DCC: variants seen among roughly 807,000 people sequenced by gnomAD.
DCC encodes netrin receptor DCC.
Under a neutral mutation model 172.5 loss-of-function variants are expected in DCC, and 58 were observed. The observed-to-expected ratio is 0.34, with a 90% CI of 0.27 to 0.42. DCC has a LOEUF of 0.42. DCC is among the 10% of genes least tolerant of loss of function. DCC has a pLI of 1.00. For synonymous variants in DCC, 709 were observed against 644.5 expected, an observed-to-expected ratio of 1.10 and a Z score of -1.52; for missense variants, 1,740 against 1,791.0, an observed-to-expected ratio of 0.97 and a Z score of 0.51.
intron 1 of DCC, 82 bp from the exon 2 acceptor site, chr18:52,751,972 C>T: frequency 8.2e-7 from 1 of 1,216,854 alleles, no homozygotes; most frequent in Non-Finnish European, 1.2e-6. Context: ...TTGTGAAAAG[C>T]TTTGTAAAGA....
intron 2 of DCC, among the ~76,000 whole-genome samples, chr18:52,854,480 A>AT (rs1321721494): frequency 6.6e-6 from 1 of 152,214 alleles, no homozygotes; most frequent in African/African-American, 2.4e-5. Flanking sequence ...TAAACCTACC[A>AT]TGAAGATTGT....
At chr18:53,160,709 T>G (rs1346018479) in intron 8 of DCC, among the ~76,000 whole-genome samples, 3 of 152,196 alleles carry the variant, frequency 2.0e-5, no homozygotes, top group Non-Finnish European at 2.9e-5. Context: ...CATACGCTCC[T>G]AATGATATTT....
chr18:52,835,730 A>G (rs2038692649), intron 2 of DCC, among the ~76,000 whole-genome samples: 1 of 152,244 alleles, frequency 6.6e-6, no homozygotes, highest in African/African-American at 2.4e-5. Flanking sequence ...ATTCCTTTAA[A>G]TGAATTCAAA....
chr18:53,103,470 G>A (rs772776449), intron 7 of DCC, among the ~76,000 whole-genome samples: 7 of 151,948 alleles, frequency 4.6e-5, no homozygotes, highest in Non-Finnish European at 1.0e-4. Flanking sequence ...ACTTGAGCCT[G>A]GGCTCAAGTG....
chr18:52,515,277 G>A (rs980921148), intron 1 of DCC, among the ~76,000 whole-genome samples: 2 of 151,978 alleles, frequency 1.3e-5, no homozygotes, highest in Admixed American at 6.6e-5. Flanking sequence ...GAACCTCCAC[G>A]TATATCTTAT....
chr18:52,929,098 C>A (rs1194247843), intron 5 of DCC, among the ~76,000 whole-genome samples: 1 of 152,116 alleles, frequency 6.6e-6, no homozygotes, highest in African/African-American at 2.4e-5. Context: ...AGAAGTCATT[C>A]CCTCGAGGAG....
At position 53,233,215 on chromosome 18, in the gene DCC, G is replaced by C. The variant is rs146654934; in HGVS notation, c.1911+17618G>C. 5.6e-3 allele frequency among the ~76,000 whole-genome samples: 848 copies of C among 152,144 alleles called. 2 individuals carry two copies. Among genetic ancestry groups the C allele is most frequent in the Non-Finnish European group, 8.6e-3 (583 of 68,010 alleles). On this transcript the variant is annotated intron_variant, in intron 12 of 28. Coordinates refer to ENST00000442544, the MANE Select transcript of DCC (RefSeq NM_005215.4). ...CCACTAAACCTTTCTACATGTTGACGTTCTCCCGTTCTTTACATGTGTCAT... is the reference window on the plus strand; with the variant it reads ...CCACTAAACCTTTCTACATGTTGACCTTCTCCCGTTCTTTACATGTGTCAT...
intron 6 of DCC, 127 bp from the exon 7 acceptor site, chr18:53,065,919 C>G: frequency 4.9e-5 from 51 of 1,050,896 alleles, no homozygotes; most frequent in Non-Finnish European, 7.0e-5. Context: ...GAGGCTGAGA[C>G]CCCTCATGGC....
intron 1 of DCC, among the ~76,000 whole-genome samples, chr18:52,487,118 C>G (rs946281966): frequency 1.3e-5 from 2 of 152,130 alleles, no homozygotes; most frequent in African/African-American, 4.8e-5. Context: ...GCTTCCAATG[C>G]TGTGGACTGG....
intron 1 of DCC, among the ~76,000 whole-genome samples, chr18:52,463,556 A>G (rs1988695198): frequency 6.6e-6 from 1 of 152,172 alleles, no homozygotes; most frequent in Non-Finnish European, 1.5e-5. Flanking sequence ...AGGTAAAACA[A>G]TTGGCTGAAG....
intron 25 of DCC, among the ~76,000 whole-genome samples, chr18:53,474,501 C>A (rs2145196215): frequency 6.6e-6 from 1 of 152,208 alleles, no homozygotes; most frequent in African/African-American, 2.4e-5. Flanking sequence ...GAATCAGGGG[C>A]AGGTCTTTCC....
At chr18:52,374,299 A>T (rs542921725) in intron 1 of DCC, among the ~76,000 whole-genome samples, 1 of 152,066 alleles carries the variant, frequency 6.6e-6, no homozygotes, top group African/African-American at 2.4e-5. Flanking sequence ...TTTACTGAGG[A>T]TATCTATTAT....
chr18:52,543,024 T>C (rs1169178880), intron 1 of DCC, among the ~76,000 whole-genome samples: 1 of 152,260 alleles, frequency 6.6e-6, no homozygotes, highest in East Asian at 1.9e-4. Context: ...GAGAGCTTTT[T>C]ACCTCAGTAT....
intron 2 of DCC, among the ~76,000 whole-genome samples, chr18:52,783,632 T>A (rs2037597047): frequency 6.6e-6 from 1 of 151,976 alleles, no homozygotes; most frequent in Admixed American, 6.6e-5. Flanking sequence ...AGTCCTCATG[T>A]CTAATCCCTC....
chr18:52,383,931 C>T (rs1373790343), intron 1 of DCC, among the ~76,000 whole-genome samples: 1 of 152,084 alleles, frequency 6.6e-6, no homozygotes, highest in African/African-American at 2.4e-5. Context: ...TAAGCAAACT[C>T]ATCTGTCACT....
chr18:52,495,062 A>G lies in DCC; in HGVS notation c.91+154184A>G, dbSNP rs553074904. Among the ~76,000 whole-genome samples the G allele has an allele frequency of 1.1e-4, 16 of 152,180 alleles. No homozygotes were observed. The South Asian group carries it at 2.1e-3, about 20-fold the overall frequency. On this transcript the variant is annotated intron_variant, in intron 1 of 28. Transcript: ENST00000442544. Reference sequence around the variant, plus strand: ...CCTTTGTTTCTAGGATGGAGTCCTCAATGGCTTTCAACCAAGAGCCTACTA... The same window carrying G: ...CCTTTGTTTCTAGGATGGAGTCCTCGATGGCTTTCAACCAAGAGCCTACTA...
intron 5 of DCC, among the ~76,000 whole-genome samples, chr18:53,026,260 C>G (rs1290043780): frequency 6.6e-6 from 1 of 152,038 alleles, no homozygotes; most frequent in Non-Finnish European, 1.5e-5. Context: ...AATGCTCTGT[C>G]ACATTGGTAC....
chr18:53,334,942 C>G (rs1438427341), intron 14 of DCC, among the ~76,000 whole-genome samples: 4 of 152,094 alleles, frequency 2.6e-5, no homozygotes, highest in African/African-American at 9.7e-5. Context: ...ATTCTTTTTG[C>G]ATTTATACTT....
chr18:52,892,123 A>AT (rs1383630080), intron 2 of DCC, among the ~76,000 whole-genome samples: 1 of 152,126 alleles, frequency 6.6e-6, no homozygotes, highest in Non-Finnish European at 1.5e-5. Flanking sequence ...CCCATGTCCT[A>AT]TTGAACCACG....
Sources: gnomAD v4.1 joint callset for allele counts (sites outside exome capture counted in the v4.1 genomes callset) on GRCh38, gnomAD v4.1.1 for gene constraint, MANE v1.5 for transcripts, NCBI Gene and HGNC (gene_info 2026-07-23, HGNC 2026-07-21) for gene names.